Variants in AGAP1 observed in about 807,000 individuals in gnomAD.
The protein encoded by AGAP1 is arf-GAP with GTPase, ANK repeat and PH domain-containing protein 1.
Under a neutral mutation model 105.3 loss-of-function variants are expected in AGAP1, and 29 were observed. The ratio of observed to expected loss-of-function variants is 0.28; its 90% CI spans 0.21 to 0.38. The LOEUF (loss-of-function observed/expected upper bound fraction) is 0.38. AGAP1 is among the 10% of genes least tolerant of loss of function. The pLI is 1.00. For missense variants in AGAP1, 998 were observed against 1,165.1 expected (o/e 0.86, Z 2.09); for synonymous variants, 509 against 485.9 (o/e 1.05, Z -0.63).
rs1335961180 is a variant in AGAP1 at position 235,689,639 on chromosome 2, G to A, written c.164-19540G>A. On this transcript the variant is annotated intron_variant, in intron 1 of 17. Transcript: ENST00000304032. The surrounding 1 kb of genome is among the most constrained non-coding windows in gnomAD (Gnocchi z 4.2). ...CACCAAATTGGCAGGTCACCATAGG[G>A]ACCTCCCCTAACCTCAAATCTGTGT... is the stretch of plus-strand genomic sequence containing the variant. Among the ~76,000 whole-genome samples, 2 of 152,230 alleles carry A rather than the reference G, an allele frequency of 1.3e-5. No individual in the cohort carries two copies.
At chr2:236,059,038 T>A (rs2125747176) in intron 16 of AGAP1, among the ~76,000 whole-genome samples, 1 of 151,710 alleles carries the variant, frequency 6.6e-6, no homozygotes, top group East Asian at 1.9e-4. Context: ...TCTTAAAAAA[T>A]CAAAAAGGCC....
At chr2:235,984,265 T>C (rs1415344037) in intron 13 of AGAP1, among the ~76,000 whole-genome samples, 1 of 152,228 alleles carries the variant, frequency 6.6e-6, no homozygotes, top group African/African-American at 2.4e-5. Context: ...TAATATTCCA[T>C]AGTGTGGATT....
At chr2:235,694,584 G>T (rs996033967) in intron 1 of AGAP1, among the ~76,000 whole-genome samples, 6 of 151,270 alleles carry the variant, frequency 4.0e-5, no homozygotes, top group African/African-American at 4.9e-5. Context: ...GGAGGTGGAG[G>T]TTGCAGTCAG....
chr2:235,739,263 G>A lies in AGAP1; in HGVS notation c.311-1700G>A, dbSNP rs1952437394. Among the ~76,000 whole-genome samples, 1 of 152,236 alleles carries A rather than the reference G, an allele frequency of 6.6e-6. No homozygotes were observed. Among genetic ancestry groups the A allele is most frequent in the South Asian group, 2.1e-4 (1 of 4,832 alleles). ...TCTGGGGGCGACCGTCTGCAGCACC[G>A]TCACATACGTGGGGACGTCCACCTG... On this transcript the variant is annotated intron_variant, in intron 3 of 17. Transcript: ENST00000304032. This position sits in a 1 kb window ranked among gnomAD's most constrained non-coding sequence, Gnocchi z 5.3.
rs368843172 is a variant in AGAP1, at chr2:235,744,791, A to C, written c.490A>C (p.Asn164His). 1 of 1,614,042 alleles carries C rather than the reference A, an allele frequency of 6.2e-7. No homozygotes were observed. ...TTACCACTACTACAGTCGAATGGCC[A>C]ACTATCGGAACACGAGCGAGATTCC... ...TVYHYYSRMANYRNTSEIPLV... is the reference protein window; with the variant it reads ...TVYHYYSRMAHYRNTSEIPLV... Residue 164 changes from asparagine (N) to histidine (H), a missense_variant, in exon 5 of 18, where the codon AAC (asparagine) becomes CAC (histidine). Asn to His is a moderately conservative substitution (Grantham distance 68). Around this residue, in one of 3 missense-constraint regions of AGAP1, gnomAD observed 735 missense variants for 833.4 expected, o/e 0.88. Transcript: ENST00000304032. This position sits in a 1 kb window ranked among gnomAD's most constrained non-coding sequence, Gnocchi z 5.2.
Position 235,724,380 on chromosome 2 carries a change from GC to G in AGAP1, c.310+6741del, listed in dbSNP as rs970966950. On this transcript the variant is annotated intron_variant, in intron 3 of 17. Coordinates refer to ENST00000304032, the MANE Select transcript of AGAP1 (RefSeq NM_001037131.3). This position sits in a 1 kb window ranked among gnomAD's most constrained non-coding sequence, Gnocchi z 4.9. ...CTCGGGCCACACATAGGCAGCAGCT[GC>G]CCCCATGCTCTGTCCCAGAGACGGA... Among the ~76,000 whole-genome samples the G allele has an allele frequency of 1.3e-5, 2 of 152,222 alleles. No homozygotes were observed. The highest frequency in any genetic ancestry group is 4.8e-5 in the African/African-American group (2 of 41,452).
rs1201013874 is a variant in AGAP1 at position 235,719,026 on chromosome 2, C to T, written c.310+1382C>T. On this transcript the variant is annotated intron_variant, in intron 3 of 17. Transcript: ENST00000304032. The surrounding 1 kb of genome is among the most constrained non-coding windows in gnomAD (Gnocchi z 4.9). ...TTAGAGATTTTTCCTTTGGGTTTTC[C>T]ACTTATTTTCAAGGGCTAGCTATTG... Among the ~76,000 whole-genome samples the T allele has an allele frequency of 6.6e-6, 1 of 152,122 alleles. No homozygotes were observed. The highest frequency in any genetic ancestry group is 1.5e-5 in the Non-Finnish European group (1 of 68,028).
intron 1 of AGAP1, among the ~76,000 whole-genome samples, chr2:235,648,710 A>C (rs1947475294): frequency 1.4e-3 from 1 of 694 alleles, no homozygotes; most frequent in South Asian, 0.1. Flanking sequence ...CATCTCTACA[A>C]AAAAAAAAAA....
chr2:235,561,251 T>G (rs1222292170), intron 1 of AGAP1, among the ~76,000 whole-genome samples: 1 of 152,164 alleles, frequency 6.6e-6, no homozygotes, highest in Non-Finnish European at 1.5e-5. Context: ...GTTATTTCCT[T>G]AGGGAAGAGT....
chr2:235,606,408 G>A (rs1945939411), intron 1 of AGAP1, among the ~76,000 whole-genome samples: 1 of 152,202 alleles, frequency 6.6e-6, no homozygotes. Context: ...GGGGTTTGGG[G>A]ATGGCAGGAA....
chr2:235,704,742 G>T (rs56201314), intron 1 of AGAP1, among the ~76,000 whole-genome samples: 5 of 152,092 alleles, frequency 3.3e-5, no homozygotes, highest in Non-Finnish European at 7.3e-5. Context: ...AGTCTAGGGC[G>T]AGCAGGCTCT....
rs1478502623 is a variant in AGAP1 at position 235,690,136 on chromosome 2, T to C, written c.164-19043T>C. Reference sequence around the variant, plus strand: ...GGTGCTGAGTCCCCAGGTTCCCCTCTCCCCCTACCTGAGGTACTGAGGGAT... The same window carrying C: ...GGTGCTGAGTCCCCAGGTTCCCCTCCCCCCCTACCTGAGGTACTGAGGGAT... On this transcript the variant is annotated intron_variant, in intron 1 of 17. Transcript: ENST00000304032. This position sits in a 1 kb window ranked among gnomAD's most constrained non-coding sequence, Gnocchi z 4.1. 6.6e-6 allele frequency among the ~76,000 whole-genome samples: 1 copy of C among 151,974 alleles called. No individual in the cohort carries two copies. The highest frequency in any genetic ancestry group is 2.4e-5 in the African/African-American group (1 of 41,356).
At position 235,769,422 on chromosome 2, in the gene AGAP1, C is replaced by T. The variant is rs1448292878; in HGVS notation, c.673+18934C>T. On this transcript the variant is annotated intron_variant, in intron 6 of 17. Transcript: ENST00000304032. The surrounding 1 kb of genome is among the most constrained non-coding windows in gnomAD (Gnocchi z 4.4). The stretch of plus-strand genomic sequence containing the variant: ...AAAATTGTTGGCATTGCATCATTGG[C>T]TTATGCTACTAAATAATGTTTTAAG... Among the ~76,000 whole-genome samples the T allele has an allele frequency of 6.6e-6, 1 of 152,230 alleles. No individual in the cohort carries two copies. Among genetic ancestry groups the T allele is most frequent in the Non-Finnish European group, 1.5e-5 (1 of 68,048 alleles).
In AGAP1 at chr2:236,000,304, A is replaced by G. The variant is rs1358048661; in HGVS notation, c.1645+31681A>G. 6.6e-6 allele frequency among the ~76,000 whole-genome samples: 1 copy of G among 152,244 alleles called. No individual in the cohort carries two copies. The highest frequency in any genetic ancestry group is 1.5e-5 in the Non-Finnish European group (1 of 68,032). Reference sequence around the variant, plus strand: ...TTTTCCTTATCAGCATCATAATGAAACAACGTGGGAGGAAACAAAGTTATT... The same window carrying G: ...TTTTCCTTATCAGCATCATAATGAAGCAACGTGGGAGGAAACAAAGTTATT... On this transcript the variant is annotated intron_variant, in intron 13 of 17. Coordinates refer to ENST00000304032, the MANE Select transcript of AGAP1 (RefSeq NM_001037131.3). The surrounding 1 kb of genome is among the most constrained non-coding windows in gnomAD (Gnocchi z 4.3).
intron 6 of AGAP1, 107 bp from the exon 7 acceptor site, chr2:235,797,652 C>G: frequency 7.0e-7 from 1 of 1,422,968 alleles, no homozygotes. Context: ...GCTATTACTG[C>G]GAAAGAAGGA....
chr2:235,525,679 ATAAAGTAGAGGACTGATG>A (rs1354677413), intron 1 of AGAP1, among the ~76,000 whole-genome samples: 6 of 127,702 alleles, frequency 4.7e-5, no homozygotes, highest in Non-Finnish European at 6.7e-5. Context: ...GGACTGATTT[ATAAAGTAGAGGACTGATG>A]CATAATGTGG....
chr2:235,958,827 C>G lies in AGAP1; in HGVS notation c.1484-9635C>G, dbSNP rs1372093335. Among the ~76,000 whole-genome samples, 1 of 152,230 alleles carries G rather than the reference C, an allele frequency of 6.6e-6. No individual in the cohort carries two copies. The highest frequency in any genetic ancestry group is 1.5e-5 in the Non-Finnish European group (1 of 68,046). On this transcript the variant is annotated intron_variant, in intron 12 of 17. Transcript: ENST00000304032. This position sits in a 1 kb window ranked among gnomAD's most constrained non-coding sequence, Gnocchi z 4.1. ...GACGGAATGTTATTTTATTCCCCCT[C>G]TAGTCATGCTTGTCAGCTCTCCGAG... is the stretch of plus-strand genomic sequence containing the variant.
intron 10 of AGAP1, among the ~76,000 whole-genome samples, chr2:235,907,832 TTTAA>T (rs1424332848): frequency 2.6e-5 from 4 of 152,246 alleles, no homozygotes; most frequent in Non-Finnish European, 5.9e-5. Flanking sequence ...TTGTATTTTT[TTTAA>T]TTGTTATATT....
At chr2:235,543,497 G>A (rs1394456035) in intron 1 of AGAP1, among the ~76,000 whole-genome samples, 2 of 152,206 alleles carry the variant, frequency 1.3e-5, no homozygotes, top group Non-Finnish European at 2.9e-5. Flanking sequence ...GAAGAAGCTG[G>A]GGCTCGGCCT....
Sources: gnomAD v4.1 joint callset for allele counts (sites outside exome capture counted in the v4.1 genomes callset) on GRCh38, gnomAD v4.1.1 for gene constraint, gnomAD v4.1.1 regional missense constraint, Gnocchi (gnomAD v3.1) non-coding constraint, MANE v1.5 for transcripts, NCBI Gene and HGNC (gene_info 2026-07-23, HGNC 2026-07-21) for gene names.